The following C5orf47 variants were observed in gnomAD, a reference collection of about 807,000 sequenced individuals.
The protein encoded by C5orf47 is chromosome 5 open reading frame 47.
Under a neutral mutation model 20.6 loss-of-function variants are expected in C5orf47, and 20 were observed. That is an observed-to-expected ratio of 0.97 (90% CI 0.68 to 1.41). The LOEUF is 1.41. Among genes scored for constraint, C5orf47 ranks in the 40% most tolerant of loss-of-function variants. The pLI, the probability that C5orf47 is intolerant of heterozygous loss-of-function variation, is 0.00. For synonymous variants in C5orf47, 106 were observed against 97.3 expected (o/e 1.09, Z -0.53); for missense variants, 262 against 238.4 (o/e 1.10, Z -0.65).
downstream of C5orf47, among the ~76,000 whole-genome samples, chr5:174,007,764 TAGCC>T (rs931584868): frequency 1.3e-5 from 2 of 152,124 alleles, no homozygotes; most frequent in African/African-American, 4.8e-5. Flanking sequence ...TTCACTGTAT[TAGCC>T]AGGCTGGTCT....
intron 1 of C5orf47, among the ~76,000 whole-genome samples, chr5:173,991,754 T>C (rs906464159): frequency 6.6e-6 from 1 of 152,210 alleles, no homozygotes; most frequent in African/African-American, 2.4e-5. Flanking sequence ...TCAGGAGAGA[T>C]AGTGATCTTT....
At chr5:173,990,544 C>T (rs1325572302) in intron 1 of C5orf47, among the ~76,000 whole-genome samples, 3 of 152,098 alleles carry the variant, frequency 2.0e-5, no homozygotes, top group Non-Finnish European at 2.9e-5. Flanking sequence ...AAGCGATTCT[C>T]CTGCCTCAGC....
chr5:173,994,154 T>A (rs1759046797), intron 1 of C5orf47, among the ~76,000 whole-genome samples: 1 of 152,320 alleles, frequency 6.6e-6, no homozygotes, highest in Non-Finnish European at 1.5e-5. Context: ...AAGCGTTGGT[T>A]GTGCAGTGCA....
chr5:174,002,386 T>G (rs1032950101), intron 4 of C5orf47, among the ~76,000 whole-genome samples: 1 of 152,196 alleles, frequency 6.6e-6, no homozygotes, highest in Admixed American at 6.5e-5. Context: ...TATACTGAGA[T>G]AGTATTTCAA....
intron 1 of C5orf47, among the ~76,000 whole-genome samples, chr5:173,991,130 G>A (rs1400279668): frequency 2.6e-5 from 4 of 152,146 alleles, no homozygotes; most frequent in African/African-American, 4.8e-5. Context: ...GAATCATAGA[G>A]TATGTGGGCT....
At position 173,990,556 on chromosome 5, in the gene C5orf47, T is replaced by A. The variant is rs572148270; in HGVS notation, c.325+968T>A. On this transcript the variant is annotated intron_variant, in intron 1 of 4. Transcript: ENST00000340147. Reference sequence around the variant, plus strand: ...TTCAAGCGATTCTCCTGCCTCAGCCTCCCAGGTAGCTGAGATTACAGGCAC... The same window carrying A: ...TTCAAGCGATTCTCCTGCCTCAGCCACCCAGGTAGCTGAGATTACAGGCAC... 5.3e-5 allele frequency among the ~76,000 whole-genome samples: 8 copies of A among 152,264 alleles called. No individual in the cohort carries two copies. The South Asian group carries it at 8.3e-4, about 16-fold the overall frequency.
Position 173,989,248 on chromosome 5 carries a change from G to C in C5orf47, c.-16G>C, listed in dbSNP as rs1013570229. ...CGTGTTTGCTGAGGGCCCGGCTGCC[G>C]TTGACTGAGGCTGCGATGGCGGCGG... On this transcript the variant is annotated 5_prime_UTR_variant, in exon 1 of 5. Transcript: ENST00000340147. The C allele has an allele frequency of 7.2e-7, 1 of 1,379,354 alleles. No individual in the cohort carries two copies. The highest frequency in any genetic ancestry group is 9.4e-7 in the Non-Finnish European group (1 of 1,065,796). The allele number at this position is 1,379,354 out of a possible 1,614,324, so 85.4% of individuals were successfully genotyped here.
rs1402254404 is a variant in C5orf47, at chr5:173,989,387, G to T, written c.124G>T (p.Gly42Cys). The T allele has an allele frequency of 2.6e-6, 4 of 1,540,442 alleles. No homozygotes were observed. The African/African-American group carries it at 5.5e-5, about 21-fold the overall frequency. The change falls in exon 1 of 5, where the codon GGT (glycine) becomes TGT (cysteine). Residue 42 changes from glycine (G) to cysteine (C), a missense_variant. Gly to Cys is a radical substitution (Grantham distance 159, BLOSUM62 -3). Transcript: ENST00000340147. Reference sequence around the variant, plus strand: ...CGGCCGTGGAGCTCAAGGCCTTTGGGGTCAGGGGCCTGGGGCAGGCTGTCG... The same window carrying T: ...CGGCCGTGGAGCTCAAGGCCTTTGGTGTCAGGGGCCTGGGGCAGGCTGTCG... ...LGGRGAQGLW[G>C]QGPGAGCRQE...
intron 1 of C5orf47, among the ~76,000 whole-genome samples, chr5:173,996,444 A>G (rs1581194731): frequency 6.6e-6 from 1 of 152,190 alleles, no homozygotes; most frequent in Non-Finnish European, 1.5e-5. Flanking sequence ...TTTCTCAAGG[A>G]GTATAGGTCT....
At chr5:173,990,258 G>A (rs1758966663) in intron 1 of C5orf47, among the ~76,000 whole-genome samples, 4 of 147,008 alleles carry the variant, frequency 2.7e-5, no homozygotes, top group African/African-American at 1.0e-4. Flanking sequence ...GACCACAGGT[G>A]GGCACCTCCA....
At position 174,001,244 on chromosome 5, in the gene C5orf47, T is replaced by G. The variant is rs1229842719; in HGVS notation, c.*16+13T>G. 1.5e-6 allele frequency: 2 copies of G among 1,349,348 alleles called. No individual in the cohort carries two copies. 83.6% of individuals were successfully genotyped at this position (1,349,348 alleles called of 1,614,324 possible). ...TTCTTATCTTCTGGTAAGAATTTAT[T>G]TACGTAATAATTATGGAATATAGAT... On this transcript the variant is annotated intron_variant, in intron 4 of 4. Transcript: ENST00000340147.
At chr5:173,991,641 A>G (rs1382355588) in intron 1 of C5orf47, among the ~76,000 whole-genome samples, 2 of 152,226 alleles carry the variant, frequency 1.3e-5, no homozygotes, top group Admixed American at 6.5e-5. Context: ...TATTGTACCA[A>G]CCTTGCATTC....
At chr5:173,995,092 C>T (rs972322517) in intron 1 of C5orf47, among the ~76,000 whole-genome samples, 1 of 152,266 alleles carries the variant, frequency 6.6e-6, no homozygotes, top group African/African-American at 2.4e-5. Flanking sequence ...GGATTACAGG[C>T]GTGAACCACC....
intron 2 of C5orf47, among the ~76,000 whole-genome samples, chr5:173,998,918 A>C (rs746166198): frequency 6.6e-6 from 1 of 152,090 alleles, no homozygotes; most frequent in Non-Finnish European, 1.5e-5. Context: ...GAGGTTAATA[A>C]CTCTTGCACC....
At chr5:173,990,125 A>ATTTTT (rs11292600) in intron 1 of C5orf47, among the ~76,000 whole-genome samples, 1 of 138,216 alleles carries the variant, frequency 7.2e-6, no homozygotes, top group Admixed American at 7.2e-5. Context: ...TAGGAAGCCA[A>ATTTTT]TTTTTTTTTT....
intron 3 of C5orf47, 139 bp from the exon 4 acceptor site, chr5:174,001,057 A>C: frequency 1.5e-6 from 1 of 652,518 alleles, no homozygotes; most frequent in Non-Finnish European, 2.7e-6. Context: ...GTTAAACTAC[A>C]TTACAGAACT....
Position 173,989,544 on chromosome 5 carries a change from G to C in C5orf47, c.281G>C (p.Arg94Pro). 6.6e-7 allele frequency: 1 copy of C among 1,518,058 alleles called. No homozygotes were observed. Among genetic ancestry groups the C allele is most frequent in the Non-Finnish European group, 8.8e-7 (1 of 1,132,844 alleles). The allele number at this position is 1,518,058 out of a possible 1,614,324, so 94.0% of individuals were successfully genotyped here. The change falls in exon 1 of 5, where the codon CGG (arginine) becomes CCG (proline). Residue 94 changes from arginine (R) to proline (P), a missense_variant. Coordinates refer to ENST00000340147, the MANE Select transcript of C5orf47 (RefSeq NM_001144954.2). ...EAAASASSQL[R>P]ASRVQSGTRQ... ...GCGGCCTCTGCCTCCTCCCAGCTGC[G>C]GGCATCGAGAGTTCAGAGCGGCACC... is the stretch of plus-strand genomic sequence containing the variant.
At chr5:174,006,258 CATTTT>C (rs1367545551), downstream of C5orf47, 1 of 152,262 alleles carries the variant, frequency 6.6e-6, no homozygotes, top group African/African-American at 2.4e-5. Flanking sequence ...GGATGAAAGG[CATTTT>C]ATTTTAGCCC....
chr5:174,001,813 C>T (rs915253985), intron 4 of C5orf47, among the ~76,000 whole-genome samples: 1 of 152,096 alleles, frequency 6.6e-6, no homozygotes, highest in African/African-American at 2.4e-5. Context: ...TTCAACTACT[C>T]TTCCTGGGTA....
Sources: allele counts gnomAD v4.1 joint callset (sites outside exome capture counted in the v4.1 genomes callset), GRCh38; gene constraint gnomAD v4.1.1; transcripts MANE v1.5; gene names NCBI Gene and HGNC (gene_info 2026-07-23, HGNC 2026-07-21).